SLC24A2: variants seen among roughly 807,000 people sequenced by gnomAD.
The protein encoded by SLC24A2 is sodium/potassium/calcium exchanger 2.
Under a neutral mutation model 62.0 loss-of-function variants are expected in SLC24A2, and 36 were observed. That is an observed-to-expected ratio of 0.58 (90% CI 0.44 to 0.77). SLC24A2 has a LOEUF of 0.77. Among genes scored for constraint, SLC24A2 ranks in the 30% least tolerant of loss-of-function variants. The probability of loss-of-function intolerance (pLI) is 0.00; values close to 1 mark genes in which losing one functional copy is unlikely to be tolerated. For synonymous variants in SLC24A2, 358 were observed against 294.0 expected (o/e 1.22, Z -2.23); for missense variants, 846 against 817.9 (o/e 1.03, Z -0.42).
chr9:19,996,154 G>A, the SLC24A2 span, among the ~76,000 whole-genome samples: 1 of 152,140 alleles, frequency 6.6e-6, no homozygotes, highest in Non-Finnish European at 1.5e-5. Flanking sequence ...AAAGAAATAT[G>A]GTGCTGTGAA....
chr9:20,139,975 T>C, the SLC24A2 span, among the ~76,000 whole-genome samples: 3 of 152,234 alleles, frequency 2.0e-5, no homozygotes, highest in African/African-American at 7.2e-5. Context: ...GACTATGCGG[T>C]GCGTTCCCTT....
chr9:19,876,116 A>C, the SLC24A2 span, among the ~76,000 whole-genome samples: 62 of 152,304 alleles, frequency 4.1e-4, no homozygotes, highest in Middle Eastern at 6.8e-3. Flanking sequence ...ATCAAAGAGC[A>C]TATTAATATT....
the SLC24A2 span, among the ~76,000 whole-genome samples, chr9:20,217,703 G>A: frequency 1.3e-5 from 2 of 152,162 alleles, no homozygotes; most frequent in Non-Finnish European, 2.9e-5. Flanking sequence ...CGCTACCCAA[G>A]TCTCTCACTA....
the SLC24A2 span, among the ~76,000 whole-genome samples, chr9:19,850,998 TATAC>T: frequency 2.9e-4 from 14 of 48,852 alleles, no homozygotes; most frequent in African/African-American, 8.3e-4. Flanking sequence ...TATATATATA[TATAC>T]ACATACATAT....
chr9:19,605,445 G>T (rs1836957716), intron 4 of SLC24A2, among the ~76,000 whole-genome samples: 1 of 152,084 alleles, frequency 6.6e-6, no homozygotes, highest in Non-Finnish European at 1.5e-5. Flanking sequence ...AAGGACAGGA[G>T]AACTCTGTAA....
the SLC24A2 span, among the ~76,000 whole-genome samples, chr9:20,093,352 G>A: frequency 2.0e-5 from 3 of 152,180 alleles, no homozygotes; most frequent in East Asian, 3.9e-4. Context: ...GATTATAGGC[G>A]TGAACCACCA....
the SLC24A2 span, among the ~76,000 whole-genome samples, chr9:20,165,777 A>C: frequency 6.6e-6 from 1 of 151,956 alleles, no homozygotes. Context: ...TGACAATGAA[A>C]AAATTGATAA....
the SLC24A2 span, among the ~76,000 whole-genome samples, chr9:19,917,459 C>T: frequency 6.6e-6 from 1 of 150,758 alleles, no homozygotes; most frequent in African/African-American, 2.4e-5. Flanking sequence ...ATTGAGATGA[C>T]ATTAGACCTC....
At chr9:19,640,672 A>C (rs1409478214) in intron 2 of SLC24A2, among the ~76,000 whole-genome samples, 1 of 152,258 alleles carries the variant, frequency 6.6e-6, no homozygotes. Context: ...CAAGATTTTA[A>C]GTAAAGACAG....
rs918944177 is a variant in SLC24A2, at chr9:19,765,489, C to G, written c.930+20448G>C. Among the ~76,000 whole-genome samples, 4 of 152,144 alleles carry G rather than the reference C, an allele frequency of 2.6e-5. No individual in the cohort carries two copies. In the East Asian group the frequency reaches 5.8e-4, roughly 22 times the overall value. ...CTTCAGGAGCTCTTGTAAGGCAGGC[C>G]TGGTGGTGACAAAATCCCTCAGCGT... On this transcript the variant is annotated intron_variant, in intron 2 of 10. Transcript: ENST00000341998.
intron 5 of SLC24A2, among the ~76,000 whole-genome samples, chr9:19,586,090 G>C (rs144590115): frequency 9.0e-4 from 137 of 152,280 alleles, no homozygotes; most frequent in African/African-American, 3.2e-3. Context: ...AGAAACTTAA[G>C]GAATTTGTCT....
At chr9:19,820,497 C>T in the SLC24A2 span, among the ~76,000 whole-genome samples, 2 of 151,024 alleles carry the variant, frequency 1.3e-5, no homozygotes, top group Non-Finnish European at 3.0e-5. Context: ...CCAAATACCA[C>T]TTGTCTCCCA....
the SLC24A2 span, chr9:19,895,863 G>T: frequency 6.2e-7 from 1 of 1,611,712 alleles, no homozygotes; most frequent in Non-Finnish European, 8.5e-7. Context: ...CAAAGAAGGG[G>T]TGCAGCAGGG....
intron 2 of SLC24A2, among the ~76,000 whole-genome samples, chr9:19,695,375 T>C (rs971414729): frequency 7.2e-5 from 11 of 152,022 alleles, no homozygotes; most frequent in African/African-American, 2.7e-4. Context: ...GGCTTGCCTT[T>C]TACCAGACAC....
chr9:20,145,695 C>T, the SLC24A2 span, among the ~76,000 whole-genome samples: 3 of 151,556 alleles, frequency 2.0e-5, no homozygotes, highest in Non-Finnish European at 4.4e-5. Context: ...CAATCCTACC[C>T]CTTCCTCAGG....
the SLC24A2 span, among the ~76,000 whole-genome samples, chr9:19,923,418 G>C: frequency 6.6e-6 from 1 of 152,136 alleles, no homozygotes; most frequent in Non-Finnish European, 1.5e-5. Context: ...AGGAGGCATG[G>C]TATCCAGCCA....
the SLC24A2 span, among the ~76,000 whole-genome samples, chr9:19,810,635 T>A: frequency 6.6e-6 from 1 of 152,354 alleles, no homozygotes; most frequent in South Asian, 2.1e-4. Flanking sequence ...GAGAGCTGAT[T>A]CAGTTAATGC....
chr9:19,606,024 T>A (rs1287793620), intron 4 of SLC24A2, among the ~76,000 whole-genome samples: 1 of 152,168 alleles, frequency 6.6e-6, no homozygotes, highest in Admixed American at 6.5e-5. Flanking sequence ...GAGAGGGTTT[T>A]TCTAAATGGG....
intron 2 of SLC24A2, among the ~76,000 whole-genome samples, chr9:19,704,405 G>C (rs569656766): frequency 1.5e-4 from 11 of 71,136 alleles, no homozygotes; most frequent in Non-Finnish European, 2.7e-4. Flanking sequence ...GAGAGAGAGA[G>C]TGTGTGTATG....
Sources: gnomAD v4.1 joint callset for allele counts (sites outside exome capture counted in the v4.1 genomes callset) on GRCh38, gnomAD v4.1.1 for gene constraint, MANE v1.5 for transcripts, NCBI Gene and HGNC (gene_info 2026-07-23, HGNC 2026-07-21) for gene names.